Variants in PLEKHG5 observed in about 807,000 individuals in gnomAD.
PLEKHG5 encodes pleckstrin homology domain-containing family G member 5.
In PLEKHG5, 52 loss-of-function variants were observed where a neutral mutation model predicts 103.8. The observed-to-expected ratio is 0.50, with a 90% CI of 0.40 to 0.63. The LOEUF (loss-of-function observed/expected upper bound fraction) is 0.63, where lower values mean the gene tolerates loss of function less well. Ranked by LOEUF, PLEKHG5 falls within the 30% of genes least tolerant of loss-of-function variation. PLEKHG5 has a pLI of 0.00. For missense variants in PLEKHG5, 1,205 were observed against 1,347.6 expected (o/e 0.89, Z 1.66); for synonymous variants, 592 against 575.5 (o/e 1.03, Z -0.41).
Position 6,470,858 on chromosome 1 carries a change from C to G in PLEKHG5, c.1419G>C (p.Gln473His). The G allele has an allele frequency of 2.5e-6, 4 of 1,575,194 alleles. No individual in the cohort carries two copies. Among genetic ancestry groups the G allele is most frequent in the Non-Finnish European group, 3.4e-6 (4 of 1,160,296 alleles). The change falls in exon 14 of 21, where the codon CAG becomes CAC. Residue 473 changes from glutamine (Q) to histidine (H), a missense_variant. By Grantham distance (24) the Gln-to-His change is conservative. Coordinates refer to ENST00000377728, the MANE Select transcript of PLEKHG5 (RefSeq NM_020631.6). ...CCAGCATGTCGCTCAGCTTCAGCCT[C>G]TGGCACTGTGGGTGCTTCTCCGCCC... Reference protein sequence around the residue: ...ITWAEKHPQCQRLKLSDMLAK... With the variant: ...ITWAEKHPQCHRLKLSDMLAK...
At chr1:6,468,733 A>T in intron 19 of PLEKHG5, 147 bp from the exon 20 acceptor site, 3 of 850,440 alleles carry the variant, frequency 3.5e-6, no homozygotes, top group Non-Finnish European at 5.7e-6. Context: ...GGTGTGGCAG[A>T]TCTTCCAGCT....
chr1:6,478,513 G>A (rs1032382328), intron 1 of PLEKHG5, among the ~76,000 whole-genome samples: 10 of 152,078 alleles, frequency 6.6e-5, no homozygotes, highest in African/African-American at 2.4e-4. Flanking sequence ...CTCCAGCTAC[G>A]GCTGACTTTC....
intron 5 of PLEKHG5, 67 bp downstream of exon 5, chr1:6,474,980 G>A (rs1442918060): frequency 1.0e-6 from 1 of 960,926 alleles, no homozygotes; most frequent in Non-Finnish European, 1.7e-6. Flanking sequence ...CAGAGACCCG[G>A]AGCCTGCAAC....
At chr1:6,496,501 C>G, upstream of PLEKHG5, 1 of 1,603,990 alleles carries the variant, frequency 6.2e-7, no homozygotes. Context: ...ACCTTGGCCG[C>G]CCGCCCCTTG....
chr1:6,509,736 C>A (rs1329548905), intron 1 of PLEKHG5, among the ~76,000 whole-genome samples: 3 of 152,220 alleles, frequency 2.0e-5, no homozygotes, highest in African/African-American at 7.2e-5. Context: ...GCCTCCCAAG[C>A]TGGGCAGCCT....
chr1:6,493,758 C>T (rs1645183458), upstream of PLEKHG5, among the ~76,000 whole-genome samples: 1 of 151,616 alleles, frequency 6.6e-6, no homozygotes, highest in South Asian at 2.1e-4. Flanking sequence ...AGGGTCCAAG[C>T]GATTCTTCTG....
intron 1 of PLEKHG5, among the ~76,000 whole-genome samples, chr1:6,504,121 G>T (rs1638232265): frequency 6.6e-6 from 1 of 152,198 alleles, no homozygotes. Context: ...CTCTGGCTCT[G>T]TTGGGTCCTG....
intron 1 of PLEKHG5, among the ~76,000 whole-genome samples, chr1:6,489,108 G>A (rs777526700): frequency 6.6e-6 from 1 of 152,170 alleles, no homozygotes; most frequent in Non-Finnish European, 1.5e-5. Flanking sequence ...CCAGGAGTCC[G>A]AGCTCTCTGG....
chr1:6,511,258 A>G (rs1638463909), intron 1 of PLEKHG5, among the ~76,000 whole-genome samples: 1 of 151,836 alleles, frequency 6.6e-6, no homozygotes, highest in Non-Finnish European at 1.5e-5. Flanking sequence ...TTAGCCCCCA[A>G]CACCCTCCCC....
At position 6,468,111 on chromosome 1, in the gene PLEKHG5, C is replaced by A; in HGVS notation, c.2725G>T (p.Val909Phe). 1.3e-6 allele frequency: 2 copies of A among 1,579,648 alleles called. No individual in the cohort carries two copies. Among genetic ancestry groups the A allele is most frequent in the Admixed American group, 1.8e-5 (1 of 56,442 alleles). ...SRSLSELCLA[V>F]PAPGIRTQGS... ...TGAGTCCTAATACCTGGGGCTGGAACAGCCAGGCAGAGCTCTGACAGGCTG... is the reference window on the plus strand; with the variant it reads ...TGAGTCCTAATACCTGGGGCTGGAAAAGCCAGGCAGAGCTCTGACAGGCTG... The change falls in exon 20 of 21, where the codon GTT becomes TTT. Residue 909 changes from valine to phenylalanine, a missense_variant. Transcript: ENST00000377728.
At chr1:6,500,371 G>A (rs942231849), upstream of PLEKHG5, among the ~76,000 whole-genome samples, 10 of 152,252 alleles carry the variant, frequency 6.6e-5, no homozygotes, top group Middle Eastern at 0.01. Context: ...GGCAGCTCTC[G>A]GGGTGGCAGG....
At chr1:6,485,591 G>A in intron 1 of PLEKHG5, 1 of 743,176 alleles carries the variant, frequency 1.3e-6, no homozygotes, top group Non-Finnish European at 1.8e-6. Flanking sequence ...CCCCCAGGAA[G>A]GCGGACACCT....
intron 1 of PLEKHG5, among the ~76,000 whole-genome samples, chr1:6,515,883 C>T (rs1217783501): frequency 4.6e-5 from 7 of 152,114 alleles, no homozygotes. Context: ...TGCCTGGTGA[C>T]CACATAAGGA....
Position 6,473,976 on chromosome 1 carries a change from T to TGCCCCCCCCCCC in PLEKHG5, c.591+36_591+37insGGGGGGGGGGGC. ...GGCTGTGGGCCCAGCCTGGGCCCCT[T>TGCCCCCCCCCCC]CCCACCCCCTCCCCTGACACACCCC... On this transcript the variant is annotated intron_variant, in intron 7 of 20. Transcript: ENST00000377728. 4 of 1,265,546 alleles carry TGCCCCCCCCCCC rather than the reference T, an allele frequency of 3.2e-6. No individual in the cohort carries two copies. The African/African-American group carries it at 4.4e-5, about 14-fold the overall frequency. 78.4% of individuals were successfully genotyped at this position (1,265,546 alleles called of 1,614,324 possible). A position where few individuals can be genotyped will look rare whatever the true frequency, so the allele number is the denominator to read the frequency against.
chr1:6,496,387 G>A (rs1014151196), upstream of PLEKHG5: 11 of 851,916 alleles, frequency 1.3e-5, no homozygotes, highest in African/African-American at 1.6e-4. Flanking sequence ...CCAGCCAGCC[G>A]CGCCCGTGCC....
chr1:6,501,353 T>C (rs374131279), upstream of PLEKHG5, among the ~76,000 whole-genome samples: 2 of 152,180 alleles, frequency 1.3e-5, no homozygotes, highest in South Asian at 2.1e-4. This position sits in a 1 kb window ranked among gnomAD's most constrained non-coding sequence, Gnocchi z 4.3. Context: ...CTGCCCACTC[T>C]TCAAGGCCCA....
intron 1 of PLEKHG5, among the ~76,000 whole-genome samples, chr1:6,510,570 A>G (rs1638445772): frequency 6.6e-6 from 1 of 151,794 alleles, no homozygotes; most frequent in African/African-American, 2.4e-5. Flanking sequence ...AGCCTGGGTG[A>G]CAGAATGAGA....
At chr1:6,496,854 G>A (rs538955061), upstream of PLEKHG5, 2 of 699,674 alleles carry the variant, frequency 2.9e-6, no homozygotes, top group South Asian at 2.1e-5. Context: ...GGGGACAAGT[G>A]GGGGAGCGCT....
intron 1 of PLEKHG5, among the ~76,000 whole-genome samples, chr1:6,514,846 T>C (rs112375596): frequency 0.045 from 6,794 of 150,288 alleles, 453 homozygotes; most frequent in African/African-American, 0.15. Context: ...GGCAGGTAGA[T>C]CACCTTAGGT....
Sources: allele counts gnomAD v4.1 joint callset (sites outside exome capture counted in the v4.1 genomes callset), GRCh38; gene constraint gnomAD v4.1.1; non-coding constraint Gnocchi (gnomAD v3.1); transcripts MANE v1.5; gene names NCBI Gene and HGNC (gene_info 2026-07-23, HGNC 2026-07-21).